The following OLFM3 variants were observed in gnomAD, a reference collection of about 807,000 sequenced individuals.
OLFM3 encodes the protein noelin-3.
In OLFM3, 20 loss-of-function variants were observed where a neutral mutation model predicts 48.6. The observed-to-expected ratio is 0.41, with a 90% confidence interval of 0.29 to 0.60. OLFM3 has a LOEUF of 0.60. OLFM3 is among the 20% of genes least tolerant of loss of function. The probability of loss-of-function intolerance (pLI) is 0.28; values close to 1 mark genes in which losing one functional copy is unlikely to be tolerated. For synonymous variants in OLFM3, 222 were observed against 198.1 expected, an observed-to-expected ratio of 1.12 and a Z score of -1.01; for missense variants, 437 against 544.3, an observed-to-expected ratio of 0.80 and a Z score of 1.96.
At chr1:101,816,401 T>C (rs193257817) in intron 4 of OLFM3, among the ~76,000 whole-genome samples, 7 of 152,298 alleles carry the variant, frequency 4.6e-5, no homozygotes, top group Admixed American at 3.3e-4. Flanking sequence ...ATTAAATAAA[T>C]GAATCCCATG....
At chr1:101,812,703 T>C (rs1654127828) in intron 4 of OLFM3, 2 of 986,898 alleles carry the variant, frequency 2.0e-6, no homozygotes, top group Non-Finnish European at 1.2e-6. Flanking sequence ...GAGTCTTAGG[T>C]TGTTTCGGCC....
At chr1:101,957,359 T>C (rs1327486355) in intron 1 of OLFM3, among the ~76,000 whole-genome samples, 1 of 152,050 alleles carries the variant, frequency 6.6e-6, no homozygotes, top group Non-Finnish European at 1.5e-5. Flanking sequence ...TTACTTACTT[T>C]TTAATTATCC....
At chr1:101,842,668 G>A (rs1655785417) in intron 1 of OLFM3, among the ~76,000 whole-genome samples, 1 of 152,080 alleles carries the variant, frequency 6.6e-6, no homozygotes, top group Non-Finnish European at 1.5e-5. Flanking sequence ...CCACACAATG[G>A]AACGTCTACA....
At chr1:101,934,334 A>T (rs1478920529) in intron 1 of OLFM3, among the ~76,000 whole-genome samples, 1 of 152,214 alleles carries the variant, frequency 6.6e-6, no homozygotes, top group Non-Finnish European at 1.5e-5. Flanking sequence ...CTAACCTCAG[A>T]ATAGTCTTTA....
intron 1 of OLFM3, among the ~76,000 whole-genome samples, chr1:101,982,760 G>A (rs1661137677): frequency 6.6e-6 from 1 of 152,058 alleles, no homozygotes; most frequent in Admixed American, 6.6e-5. Flanking sequence ...GCTCTTCCTG[G>A]TTCTTCATCC....
At chr1:101,913,893 A>T (rs896135826) in intron 1 of OLFM3, among the ~76,000 whole-genome samples, 2 of 152,170 alleles carry the variant, frequency 1.3e-5, no homozygotes, top group African/African-American at 4.8e-5. Context: ...GGACTAGGGA[A>T]GATCAATATG....
intron 4 of OLFM3, among the ~76,000 whole-genome samples, chr1:101,810,269 T>C (rs750614225): frequency 1.3e-5 from 2 of 151,944 alleles, no homozygotes; most frequent in Non-Finnish European, 2.9e-5. Context: ...AGAAGTTATC[T>C]AAATCCTCAT....
chr1:101,924,152 C>T lies in OLFM3; in HGVS notation c.69+72596G>A, dbSNP rs182218557. 3.9e-5 allele frequency among the ~76,000 whole-genome samples: 6 copies of T among 152,194 alleles called. No homozygotes were observed. In the East Asian group the frequency reaches 7.7e-4, roughly 20 times the overall value. On this transcript the variant is annotated intron_variant, in intron 1 of 5. Coordinates refer to ENST00000370103, the MANE Select transcript of OLFM3 (RefSeq NM_058170.4). ...TTTTGCTTAGAAAATGAACCAGCTT[C>T]GTTAAATTTAAACATCAATTGACAC...
At chr1:101,831,760 TC>T (rs1456130864) in intron 2 of OLFM3, among the ~76,000 whole-genome samples, 3 of 152,198 alleles carry the variant, frequency 2.0e-5, no homozygotes, top group African/African-American at 7.2e-5. Flanking sequence ...AACTACTGAA[TC>T]AAAATATACA....
chr1:101,919,620 G>A (rs1365446232), intron 1 of OLFM3, among the ~76,000 whole-genome samples: 2 of 152,176 alleles, frequency 1.3e-5, no homozygotes, highest in African/African-American at 4.8e-5. Context: ...CCCTTAACCC[G>A]CGATGATGGG....
chr1:101,904,079 A>G (rs1203125524), intron 1 of OLFM3, among the ~76,000 whole-genome samples: 1 of 152,102 alleles, frequency 6.6e-6, no homozygotes, highest in Non-Finnish European at 1.5e-5. Context: ...ACTATTATTT[A>G]CTAGAGAATA....
intron 1 of OLFM3, among the ~76,000 whole-genome samples, chr1:101,973,145 C>A (rs1343776419): frequency 1.3e-5 from 2 of 152,218 alleles, no homozygotes; most frequent in Non-Finnish European, 2.9e-5. Context: ...TTTATGGGAA[C>A]TGGCTCATAT....
At chr1:101,843,893 C>G (rs1010961446) in intron 1 of OLFM3, among the ~76,000 whole-genome samples, 2 of 152,096 alleles carry the variant, frequency 1.3e-5, no homozygotes, top group African/African-American at 4.8e-5. Flanking sequence ...CTGCGTATTC[C>G]ATGAACATTC....
intron 1 of OLFM3, among the ~76,000 whole-genome samples, chr1:101,891,591 A>G (rs1009502481): frequency 2.0e-5 from 3 of 151,896 alleles, no homozygotes. Flanking sequence ...CTTAGGTTCA[A>G]AAGCCCACTG....
chr1:101,967,817 CT>C (rs567939056), intron 1 of OLFM3, among the ~76,000 whole-genome samples: 1 of 152,070 alleles, frequency 6.6e-6, no homozygotes, highest in East Asian at 1.9e-4. Context: ...TACAAACTAA[CT>C]TTTTTTCCTT....
intron 1 of OLFM3, among the ~76,000 whole-genome samples, chr1:101,839,859 A>C (rs1487220044): frequency 6.6e-6 from 1 of 152,234 alleles, no homozygotes; most frequent in Non-Finnish European, 1.5e-5. Context: ...GAATCAGTGA[A>C]AAGAGCCATG....
intron 1 of OLFM3, among the ~76,000 whole-genome samples, chr1:101,885,471 T>C (rs944621739): frequency 6.6e-6 from 1 of 152,066 alleles, no homozygotes; most frequent in Non-Finnish European, 1.5e-5. Context: ...GAAATTATGA[T>C]GTATTTCCAT....
At chr1:101,917,064 C>A (rs1658950814) in intron 1 of OLFM3, among the ~76,000 whole-genome samples, 1 of 152,008 alleles carries the variant, frequency 6.6e-6, no homozygotes, top group Admixed American at 6.6e-5. Flanking sequence ...ATAAAATAAT[C>A]ATCTGGATAT....
chr1:101,832,092 G>A (rs531460900), intron 2 of OLFM3, among the ~76,000 whole-genome samples: 19 of 152,118 alleles, frequency 1.2e-4, no homozygotes, highest in Middle Eastern at 3.4e-3. Context: ...TATTAGAGTC[G>A]GAGTTTCATC....
Sources: gnomAD v4.1 joint callset for allele counts (sites outside exome capture counted in the v4.1 genomes callset) on GRCh38, gnomAD v4.1.1 for gene constraint, MANE v1.5 for transcripts, NCBI Gene and HGNC (gene_info 2026-07-23, HGNC 2026-07-21) for gene names.